Variants in PELI2 observed in about 807,000 individuals in gnomAD.
PELI2 encodes the protein pellino E3 ubiquitin protein ligase family member 2.
In PELI2, 23 loss-of-function variants were observed where a neutral mutation model predicts 42.3. The observed-to-expected ratio is 0.54, with a 90% CI of 0.39 to 0.77. The LOEUF (loss-of-function observed/expected upper bound fraction) is 0.77. Ranked by LOEUF, PELI2 falls within the 30% of genes least tolerant of loss-of-function variation. The probability of loss-of-function intolerance (pLI) is 0.00; values close to 1 mark genes in which losing one functional copy is unlikely to be tolerated. For missense variants in PELI2, 463 were observed against 553.2 expected (o/e 0.84, Z 1.64); for synonymous variants, 245 against 212.2 (o/e 1.15, Z -1.34).
intron 2 of PELI2, 151 bp from the exon 3 acceptor site, chr14:56,279,525 C>T (rs545217337): frequency 2.8e-5 from 12 of 424,160 alleles, no homozygotes; most frequent in South Asian, 6.6e-5. Context: ...CTGTGATTGA[C>T]GGAATAGAGC....
intron 2 of PELI2, among the ~76,000 whole-genome samples, chr14:56,196,361 G>A (rs769196285): frequency 1.2e-4 from 18 of 152,266 alleles, no homozygotes; most frequent in Middle Eastern, 3.4e-3. Flanking sequence ...TAAGCAATTT[G>A]AGCCACAGAA....
In PELI2 at chr14:56,288,748, T is replaced by A; in HGVS notation, c.507+114T>A. On this transcript the variant is annotated intron_variant, in intron 4 of 5. Transcript: ENST00000267460. The surrounding 1 kb of genome is among the most constrained non-coding windows in gnomAD (Gnocchi z 4.6). ...TTGTATGTTGCCTCTAGTGAGATTT[T>A]GAGATTTTAGTTTTCAGGTGGCCAG... 1.3e-6 allele frequency: 1 copy of A among 742,114 alleles called. No individual in the cohort carries two copies. Among genetic ancestry groups the A allele is most frequent in the Non-Finnish European group, 2.2e-6 (1 of 448,072 alleles). 46.0% of individuals were successfully genotyped at this position (742,114 alleles called of 1,614,324 possible).
intron 1 of PELI2, among the ~76,000 whole-genome samples, chr14:56,175,355 A>G (rs1470426510): frequency 6.6e-6 from 1 of 152,236 alleles, no homozygotes; most frequent in Non-Finnish European, 1.5e-5. Flanking sequence ...GCGTCCTGCC[A>G]TGTGCCTTGT....
At chr14:56,243,901 A>G (rs551349319) in intron 2 of PELI2, among the ~76,000 whole-genome samples, 4 of 152,236 alleles carry the variant, frequency 2.6e-5, no homozygotes, top group Admixed American at 6.5e-5. Flanking sequence ...AGAAAGTATC[A>G]TAATGACTTT....
intron 3 of PELI2, among the ~76,000 whole-genome samples, chr14:56,285,304 A>G (rs1418413673): frequency 1.3e-5 from 2 of 152,210 alleles, no homozygotes; most frequent in Non-Finnish European, 1.5e-5. Context: ...CTGAAGAATC[A>G]GGTTATTCTT....
At chr14:56,163,879 A>T (rs1884857461) in intron 1 of PELI2, among the ~76,000 whole-genome samples, 1 of 152,162 alleles carries the variant, frequency 6.6e-6, no homozygotes, top group Non-Finnish European at 1.5e-5. Context: ...GCACATAGAA[A>T]TGCTACTGAC....
intron 2 of PELI2, among the ~76,000 whole-genome samples, chr14:56,243,144 G>T (rs1566660426): frequency 6.6e-6 from 1 of 152,026 alleles, no homozygotes; most frequent in Non-Finnish European, 1.5e-5. Context: ...TAGAAACAGA[G>T]AACAACAACA....
At chr14:56,244,657 T>C (rs780509054) in intron 2 of PELI2, among the ~76,000 whole-genome samples, 44 of 152,170 alleles carry the variant, frequency 2.9e-4, no homozygotes, top group African/African-American at 5.1e-4. Flanking sequence ...ACTCCATCAC[T>C]GAATGTGTAT....
chr14:56,247,238 A>C (rs1267215588), intron 2 of PELI2, among the ~76,000 whole-genome samples: 2 of 152,226 alleles, frequency 1.3e-5, no homozygotes, highest in Non-Finnish European at 2.9e-5. Context: ...CTCTGTATAC[A>C]ATGCTTAAAC....
intron 2 of PELI2, among the ~76,000 whole-genome samples, chr14:56,199,719 T>C (rs1194598351): frequency 1.3e-5 from 2 of 152,210 alleles, no homozygotes; most frequent in Non-Finnish European, 2.9e-5. Context: ...TACAAGTTGT[T>C]TTGGTAAATT....
chr14:56,249,961 A>G (rs1040364163), intron 2 of PELI2, among the ~76,000 whole-genome samples: 1 of 152,172 alleles, frequency 6.6e-6, no homozygotes, highest in Non-Finnish European at 1.5e-5. Flanking sequence ...AGATCAGAGA[A>G]GTGTTTCACA....
intron 2 of PELI2, among the ~76,000 whole-genome samples, chr14:56,254,151 A>C (rs1422594021): frequency 6.6e-6 from 1 of 152,174 alleles, no homozygotes; most frequent in Non-Finnish European, 1.5e-5. Context: ...CTGTAATCCC[A>C]ACACTTTAGG....
chr14:56,290,979 A>T (rs1481304545), intron 5 of PELI2, among the ~76,000 whole-genome samples: 3 of 152,256 alleles, frequency 2.0e-5, no homozygotes, highest in Non-Finnish European at 2.9e-5. Flanking sequence ...AATGATTTAT[A>T]TACTGCATTG....
intron 1 of PELI2, among the ~76,000 whole-genome samples, chr14:56,131,658 T>G (rs1440162293): frequency 9.2e-5 from 14 of 152,178 alleles, no homozygotes. Context: ...ACTACTGTTA[T>G]GAATATTAAA....
At chr14:56,233,586 G>A (rs1431811001) in intron 2 of PELI2, among the ~76,000 whole-genome samples, 1 of 152,046 alleles carries the variant, frequency 6.6e-6, no homozygotes, top group Admixed American at 6.6e-5. Flanking sequence ...CTTCCTCACA[G>A]CTTATACAAA....
chr14:56,279,621 T>C (rs1182489241), intron 2 of PELI2, 55 bp from the exon 3 acceptor site: 1 of 1,025,148 alleles, frequency 9.8e-7, no homozygotes, highest in Non-Finnish European at 1.5e-6. Flanking sequence ...ACAGGCAGAA[T>C]TGATAAGTTG....
intron 3 of PELI2, among the ~76,000 whole-genome samples, chr14:56,283,087 C>A (rs762610392): frequency 5.9e-5 from 9 of 152,112 alleles, no homozygotes; most frequent in African/African-American, 2.2e-4. Context: ...CTTGTTTCTT[C>A]GGAATTTTTC....
chr14:56,282,593 ATAAT>A, intron 3 of PELI2, among the ~76,000 whole-genome samples: 1 of 152,056 alleles, frequency 6.6e-6, no homozygotes, highest in South Asian at 2.1e-4. Flanking sequence ...TAAAAACTAA[ATAAT>A]CTTAGATAAA....
intron 5 of PELI2, among the ~76,000 whole-genome samples, chr14:56,296,013 C>CTTAGTGCA (rs1462324018): frequency 6.6e-6 from 1 of 152,246 alleles, no homozygotes; most frequent in African/African-American, 2.4e-5. Flanking sequence ...CTTATAAGCA[C>CTTAGTGCA]TTAGTGCATA....
Sources: gnomAD v4.1 joint callset for allele counts (sites outside exome capture counted in the v4.1 genomes callset) on GRCh38, gnomAD v4.1.1 for gene constraint, Gnocchi (gnomAD v3.1) non-coding constraint, MANE v1.5 for transcripts, NCBI Gene and HGNC (gene_info 2026-07-23, HGNC 2026-07-21) for gene names.